IMMP2L: variants seen among roughly 807,000 people sequenced by gnomAD.
The protein encoded by IMMP2L is mitochondrial inner membrane protease subunit 2.
A neutral mutation model predicts 19.3 loss-of-function variants in IMMP2L; 18 were observed. That is an observed-to-expected ratio of 0.93 (90% CI 0.64 to 1.38). The LOEUF (loss-of-function observed/expected upper bound fraction) is 1.38. IMMP2L is among the 40% of genes most tolerant of loss of function. The pLI, the probability that IMMP2L is intolerant of heterozygous loss-of-function variation, is 0.00. For synonymous variants in IMMP2L, 76 were observed against 73.0 expected (o/e 1.04, Z -0.21); for missense variants, 233 against 218.2 (o/e 1.07, Z -0.43).
chr7:111,034,105 A>T (rs527792749), intron 3 of IMMP2L, among the ~76,000 whole-genome samples: 6 of 152,262 alleles, frequency 3.9e-5, no homozygotes, highest in African/African-American at 1.4e-4. Context: ...CATAAAATTA[A>T]TGAATTTCAC....
intron 3 of IMMP2L, among the ~76,000 whole-genome samples, chr7:111,366,624 T>C (rs1829786944): frequency 6.6e-6 from 1 of 152,004 alleles, no homozygotes; most frequent in African/African-American, 2.4e-5. Flanking sequence ...TTACTGACAC[T>C]GGATATTATA....
intron 3 of IMMP2L, among the ~76,000 whole-genome samples, chr7:111,275,553 C>T (rs1818934443): frequency 6.6e-6 from 1 of 152,148 alleles, no homozygotes; most frequent in Non-Finnish European, 1.5e-5. Context: ...TCAGATACAA[C>T]TTATTCAGTG....
chr7:111,524,900 ACTC>A (rs1846692862), intron 1 of IMMP2L, among the ~76,000 whole-genome samples: 1 of 151,854 alleles, frequency 6.6e-6, no homozygotes, highest in East Asian at 1.9e-4. Flanking sequence ...TCATCCATCC[ACTC>A]ATCTACCCAG....
rs1846819437 is a variant in IMMP2L at position 111,526,057 on chromosome 7, C to T, written c.-2-4608G>A. On this transcript the variant is annotated intron_variant, in intron 1 of 5. Transcript: ENST00000405709. Reference sequence around the variant, plus strand: ...GTAAAAGCAGTAACATATATGAAGGCCTAGGGGCAAAATAAAATGTAGCTG... The same window carrying T: ...GTAAAAGCAGTAACATATATGAAGGTCTAGGGGCAAAATAAAATGTAGCTG... 2.6e-5 allele frequency among the ~76,000 whole-genome samples: 4 copies of T among 150,962 alleles called. No homozygotes were observed. In the South Asian group the frequency reaches 8.4e-4, roughly 32 times the overall value.
At position 111,310,331 on chromosome 7, in the gene IMMP2L, G is replaced by A. The variant is rs565662137; in HGVS notation, c.239+176907C>T. ...ACGAACTTCGCCAGATTGGAAAAGG[G>A]GTCCATGGCACAAAAAGTATTAAGA... On this transcript the variant is annotated intron_variant, in intron 3 of 5. Transcript: ENST00000405709. 9.2e-4 allele frequency among the ~76,000 whole-genome samples: 140 copies of A among 151,678 alleles called. 1 individual carries two copies. The highest frequency in any genetic ancestry group is 3.0e-3 in the Admixed American group (45 of 15,200).
At chr7:110,705,143 TAAG>T (rs1284944252) in intron 5 of IMMP2L, among the ~76,000 whole-genome samples, 1 of 152,130 alleles carries the variant, frequency 6.6e-6, no homozygotes, top group Non-Finnish European at 1.5e-5. Flanking sequence ...TTACAGCTAC[TAAG>T]AAGAGAGTTT....
chr7:110,696,850 T>C (rs921812468), intron 5 of IMMP2L, among the ~76,000 whole-genome samples: 1 of 152,062 alleles, frequency 6.6e-6, no homozygotes, highest in Non-Finnish European at 1.5e-5. Context: ...GGTAATTATG[T>C]CATTAGTTAA....
At chr7:111,427,779 AT>A (rs1836229564) in intron 3 of IMMP2L, among the ~76,000 whole-genome samples, 1 of 151,812 alleles carries the variant, frequency 6.6e-6, no homozygotes, top group Non-Finnish European at 1.5e-5. Context: ...TAAATTATAA[AT>A]CTAGCCCCAC....
intron 3 of IMMP2L, among the ~76,000 whole-genome samples, chr7:111,055,668 C>A (rs530536066): frequency 6.6e-6 from 1 of 152,222 alleles, no homozygotes; most frequent in East Asian, 1.9e-4. Context: ...TAATTGCTGT[C>A]CTTGGTCAAG....
intron 2 of IMMP2L, among the ~76,000 whole-genome samples, chr7:111,491,436 T>C (rs1209678949): frequency 6.6e-6 from 1 of 152,094 alleles, no homozygotes; most frequent in East Asian, 1.9e-4. Flanking sequence ...GTGCTTATGG[T>C]AGTTCTTGGC....
At chr7:110,829,762 T>G (rs1261673180) in intron 5 of IMMP2L, among the ~76,000 whole-genome samples, 2 of 152,290 alleles carry the variant, frequency 1.3e-5, no homozygotes, top group Middle Eastern at 3.4e-3. Flanking sequence ...GACTCTGCAT[T>G]TGGTCTCTTT....
At chr7:110,702,014 C>G (rs1215974032) in intron 5 of IMMP2L, among the ~76,000 whole-genome samples, 1 of 151,988 alleles carries the variant, frequency 6.6e-6, no homozygotes, top group Non-Finnish European at 1.5e-5. Context: ...ACTGCAGCCT[C>G]GACCTCCCAG....
intron 2 of IMMP2L, among the ~76,000 whole-genome samples, chr7:111,492,944 C>T (rs1207113189): frequency 1.3e-5 from 2 of 152,142 alleles, no homozygotes; most frequent in Admixed American, 1.3e-4. Flanking sequence ...AAGACTCTTC[C>T]ACTCAGGTGT....
At chr7:111,416,089 A>C (rs543385948) in intron 3 of IMMP2L, among the ~76,000 whole-genome samples, 1 of 151,858 alleles carries the variant, frequency 6.6e-6, no homozygotes, top group African/African-American at 2.4e-5. Flanking sequence ...TTACATGTAG[A>C]TCTACGGAGA....
rs1212501622 is a variant in IMMP2L at position 110,712,027 on chromosome 7, A to C, written c.409-48306T>G. Among the ~76,000 whole-genome samples the C allele has an allele frequency of 1.0e-3, 37 of 36,420 alleles. 12 individuals are homozygous for C. Among genetic ancestry groups the C allele is most frequent in the Non-Finnish European group, 5.3e-4 (7 of 13,198 alleles). 23.9% of individuals were successfully genotyped at this position (36,420 alleles called of 152,430 possible). A position where few individuals can be genotyped will look rare whatever the true frequency, so the allele number is the denominator to read the frequency against. ...TCTCAGCTCGTCAAAATCATTCTCC[A>C]TCCAGCTTTGTTCTGTTGCTGGTGA... On this transcript the variant is annotated intron_variant, in intron 5 of 5. Coordinates refer to ENST00000405709, the MANE Select transcript of IMMP2L (RefSeq NM_032549.4).
chr7:111,157,156 G>A (rs985991159), intron 3 of IMMP2L, among the ~76,000 whole-genome samples: 15 of 152,000 alleles, frequency 9.9e-5, no homozygotes, highest in African/African-American at 2.2e-4. Context: ...CCACTACAGC[G>A]AACAGTTTGG....
At chr7:111,339,599 GAAGT>G (rs1385206767) in intron 3 of IMMP2L, among the ~76,000 whole-genome samples, 1 of 151,786 alleles carries the variant, frequency 6.6e-6, no homozygotes, top group African/African-American at 2.4e-5. Context: ...GAAAAAACTG[GAAGT>G]AAGGAGGAGT....
chr7:110,771,223 G>C (rs373573205), intron 5 of IMMP2L, among the ~76,000 whole-genome samples: 20 of 152,264 alleles, frequency 1.3e-4, no homozygotes, highest in Middle Eastern at 3.4e-3. Flanking sequence ...GAGACTGCTG[G>C]TTTGGACGAG....
rs1191967454 is a variant in IMMP2L at position 110,857,961 on chromosome 7, ACT to A, written c.408+28630_408+28631del. Among the ~76,000 whole-genome samples, 4 of 151,740 alleles carry A rather than the reference ACT, an allele frequency of 2.6e-5. 1 individual carries two copies. The highest frequency in any genetic ancestry group is 4.2e-4 in the South Asian group (2 of 4,808). On this transcript the variant is annotated intron_variant, in intron 5 of 5. Coordinates refer to ENST00000405709, the MANE Select transcript of IMMP2L (RefSeq NM_032549.4). ...ATACATTCGCTTTTCTGATATTAAA[ACT>A]CTTTTATTCATAATAACTCCACTTT...
Sources: gnomAD v4.1 joint callset for allele counts (sites outside exome capture counted in the v4.1 genomes callset) on GRCh38, gnomAD v4.1.1 for gene constraint, MANE v1.5 for transcripts, NCBI Gene and HGNC (gene_info 2026-07-23, HGNC 2026-07-21) for gene names.